Variants in CFTR observed in about 807,000 individuals in gnomAD.
The protein encoded by CFTR is CF transmembrane conductance regulator, also known as cystic fibrosis transmembrane conductance regulator.
Under a neutral mutation model 171.6 loss-of-function variants are expected in CFTR, and 181 were observed. The ratio of observed to expected loss-of-function variants is 1.05; its 90% CI spans 0.93 to 1.19. The LOEUF (loss-of-function observed/expected upper bound fraction) is 1.19. Among genes scored for constraint, CFTR ranks in the 50% most tolerant of loss-of-function variants. The probability of loss-of-function intolerance (pLI) is 0.00; values close to 1 mark genes in which losing one functional copy is unlikely to be tolerated. For synonymous variants in CFTR, 583 were observed against 608.0 expected, an observed-to-expected ratio of 0.96 and a Z score of 0.60; for missense variants, 1,968 against 1,734.7, an observed-to-expected ratio of 1.13 and a Z score of -2.39.
intron 24 of CFTR, among the ~76,000 whole-genome samples, chr7:117,653,489 G>T (rs190612024): frequency 2.1e-4 from 32 of 152,078 alleles, no homozygotes; most frequent in Non-Finnish European, 4.0e-4. Flanking sequence ...AGACCTCTCT[G>T]GTGTCTCTTT....
intron 21 of CFTR, among the ~76,000 whole-genome samples, chr7:117,623,113 C>G (rs1792605678): frequency 6.6e-6 from 1 of 152,046 alleles, no homozygotes; most frequent in African/African-American, 2.4e-5. Context: ...AAGAAAAAAT[C>G]CCATCAAATT....
rs77035409 is a variant in CFTR at position 117,627,741 on chromosome 7, AT to A, written c.3691del (p.Ser1231ProfsTer4). On this transcript the variant is annotated frameshift_variant, in exon 22 of 27. Transcript: ENST00000003084. LOFTEE classifies it high-confidence loss of function. ...AGGTGGAAATGCCATATTAGAGAAC[AT>A]TTCCTTCTCAATAAGTCCTGGCCAG... ...TEGGNAILEN[I>X]SFSISPGQRV... 1 of 1,612,640 alleles carries A rather than the reference AT, an allele frequency of 6.2e-7. No individual in the cohort carries two copies. The highest frequency in any genetic ancestry group is 8.5e-7 in the Non-Finnish European group (1 of 1,179,344).
intron 22 of CFTR, among the ~76,000 whole-genome samples, chr7:117,637,019 G>C (rs1169697009): frequency 6.6e-6 from 1 of 151,958 alleles, no homozygotes; most frequent in Non-Finnish European, 1.5e-5. Flanking sequence ...GTTTTATCAT[G>C]TTGGCCAGGC....
chr7:117,509,266 A>G (rs2116641978), intron 3 of CFTR, 124 bp downstream of exon 3: 1 of 698,060 alleles, frequency 1.4e-6, no homozygotes, highest in Admixed American at 2.3e-5. Flanking sequence ...AACTCCAAAC[A>G]CTAAGAAACC....
chr7:117,645,846 G>A (rs1792989095), intron 23 of CFTR, among the ~76,000 whole-genome samples: 1 of 152,072 alleles, frequency 6.6e-6, no homozygotes, highest in Non-Finnish European at 1.5e-5. Context: ...AGTTAAGAAA[G>A]CAAGGTTTAA....
chr7:117,630,223 T>G (rs1301623910), intron 22 of CFTR, among the ~76,000 whole-genome samples: 2 of 152,140 alleles, frequency 1.3e-5, no homozygotes, highest in Non-Finnish European at 2.9e-5. Context: ...CCCTCCAAAT[T>G]TACAAGCTTT....
chr7:117,542,009 T>C lies in CFTR; in HGVS notation c.1117-7T>C, dbSNP rs745505328. 1.4e-6 allele frequency: 2 copies of C among 1,392,418 alleles called. No individual in the cohort carries two copies. Among genetic ancestry groups the C allele is most frequent in the African/African-American group, 2.8e-5 (2 of 70,758 alleles). 86.3% of individuals were successfully genotyped at this position (1,392,418 alleles called of 1,614,324 possible). A position where few individuals can be genotyped will look rare whatever the true frequency, so the allele number is the denominator to read the frequency against. ...TATAATATGTTTTTGCTCTCTTTTA[T>C]AAATAGGATTTCTTACAAAAGCAAG... On this transcript the variant is annotated splice_region_variant and splice_polypyrimidine_tract_variant and intron_variant, in intron 8 of 26. Coordinates refer to ENST00000003084, the MANE Select transcript of CFTR (RefSeq NM_000492.4).
At chr7:117,545,723 G>A (rs1440487195) in intron 9 of CFTR, among the ~76,000 whole-genome samples, 1 of 152,108 alleles carries the variant, frequency 6.6e-6, no homozygotes, top group African/African-American at 2.4e-5. Flanking sequence ...TACACAACTA[G>A]CTAGGGCAGA....
At chr7:117,627,247 A>G (rs957376294) in intron 21 of CFTR, among the ~76,000 whole-genome samples, 8 of 152,116 alleles carry the variant, frequency 5.3e-5, no homozygotes, top group African/African-American at 1.9e-4. Flanking sequence ...GATGTCATCT[A>G]TTCCCTTGTG....
chr7:117,629,429 A>C (rs1181780824), intron 22 of CFTR, among the ~76,000 whole-genome samples: 1 of 152,166 alleles, frequency 6.6e-6, no homozygotes, highest in East Asian at 1.9e-4. Flanking sequence ...TTATAGACCC[A>C]AAAAAAGGGC....
chr7:117,530,842 A>G (rs1260622167), intron 3 of CFTR, 57 bp from the exon 4 acceptor site: 2 of 1,174,134 alleles, frequency 1.7e-6, no homozygotes, highest in Non-Finnish European at 1.3e-6. Flanking sequence ...TGAAATTCTC[A>G]GGGTATTTTA....
chr7:117,547,168 C>T lies in CFTR; in HGVS notation c.1210-1473C>T, dbSNP rs1303672613. Among the ~76,000 whole-genome samples, 3 of 152,184 alleles carry T rather than the reference C, an allele frequency of 2.0e-5. No homozygotes were observed. In the East Asian group the frequency reaches 5.8e-4, roughly 29 times the overall value. On this transcript the variant is annotated intron_variant, in intron 9 of 26. Transcript: ENST00000003084. ...TACCCATATAATAAAAAACTAAAAGCAGTAGTTTTCAAGCATGATTGTTTA... is the reference window on the plus strand; with the variant it reads ...TACCCATATAATAAAAAACTAAAAGTAGTAGTTTTCAAGCATGATTGTTTA...
Position 117,587,834 on chromosome 7 carries a change from G to C in CFTR, c.1679+1G>C, listed in dbSNP as rs397508263. On this transcript the variant is annotated splice_donor_variant, in intron 12 of 26. Coordinates refer to ENST00000003084, the MANE Select transcript of CFTR (RefSeq NM_000492.4). LOFTEE classifies it high-confidence loss of function. ...AACGAGCAAGAATTTCTTTAGCAAG[G>C]TGAATAACTAATTATTGGTCTAGCA... 9 of 1,551,664 alleles carry C rather than the reference G, an allele frequency of 5.8e-6. No homozygotes were observed. Among genetic ancestry groups the C allele is most frequent in the Non-Finnish European group, 8.0e-6 (9 of 1,123,430 alleles).
At chr7:117,569,608 C>G (rs750136754) in intron 11 of CFTR, among the ~76,000 whole-genome samples, 6 of 151,712 alleles carry the variant, frequency 4.0e-5, no homozygotes, top group South Asian at 2.1e-4. Context: ...TATGAGGGAG[C>G]CTGAGGAGAA....
rs1798639793 is a variant in CFTR at position 117,518,722 on chromosome 7, C to T, written c.273+9580C>T. Among the ~76,000 whole-genome samples, 3 of 151,628 alleles carry T rather than the reference C, an allele frequency of 2.0e-5. No individual in the cohort carries two copies. In the South Asian group the frequency reaches 6.2e-4, roughly 31 times the overall value. ...CTGGGATTTCAGACATGAGACACTGCACCCAGTCCAGTCCCTGTCTTTTTA... is the reference window on the plus strand; with the variant it reads ...CTGGGATTTCAGACATGAGACACTGTACCCAGTCCAGTCCCTGTCTTTTTA... On this transcript the variant is annotated intron_variant, in intron 3 of 26. Coordinates refer to ENST00000003084, the MANE Select transcript of CFTR (RefSeq NM_000492.4).
At chr7:117,541,253 A>C (rs1799047197) in intron 8 of CFTR, among the ~76,000 whole-genome samples, 1 of 152,192 alleles carries the variant, frequency 6.6e-6, no homozygotes, top group South Asian at 2.1e-4. Flanking sequence ...AGAGAGAGAG[A>C]GAGAGAGAAA....
chr7:117,659,103 T>C (rs550450241), intron 24 of CFTR, among the ~76,000 whole-genome samples: 1 of 152,332 alleles, frequency 6.6e-6, no homozygotes, highest in African/African-American at 2.4e-5. Context: ...GTGCTTTCTG[T>C]TCTGCAGAGG....
intron 22 of CFTR, among the ~76,000 whole-genome samples, chr7:117,634,840 A>C (rs1792674239): frequency 6.6e-6 from 1 of 151,958 alleles, no homozygotes; most frequent in South Asian, 2.1e-4. Flanking sequence ...ATTTTTATAA[A>C]ATTTGTTAAG....
chr7:117,502,064 TTTG>T (rs1026278232), intron 1 of CFTR, among the ~76,000 whole-genome samples: 3 of 152,226 alleles, frequency 2.0e-5, no homozygotes, highest in African/African-American at 7.2e-5. Context: ...AGTTTTTGTT[TTTG>T]TTTTTGTTTT....
Sources: gnomAD v4.1 joint callset for allele counts (sites outside exome capture counted in the v4.1 genomes callset) on GRCh38, gnomAD v4.1.1 for gene constraint, MANE v1.5 for transcripts, NCBI Gene and HGNC (gene_info 2026-07-23, HGNC 2026-07-21) for gene names.